DCC: variants seen among roughly 807,000 people sequenced by gnomAD.
DCC encodes netrin receptor DCC.
DCC carries 58 observed loss-of-function variants against 172.5 expected under a neutral mutation model. That is an observed-to-expected ratio of 0.34 (90% CI 0.27 to 0.42). The LOEUF is 0.42. Among genes scored for constraint, DCC ranks in the 10% least tolerant of loss-of-function variants. DCC has a pLI of 1.00. For missense variants in DCC, 1,740 were observed against 1,791.0 expected, an observed-to-expected ratio of 0.97 and a Z score of 0.51; for synonymous variants, 709 against 644.5, an observed-to-expected ratio of 1.10 and a Z score of -1.52.
At chr18:52,637,001 C>G (rs1450505508) in intron 1 of DCC, among the ~76,000 whole-genome samples, 1 of 152,200 alleles carries the variant, frequency 6.6e-6, no homozygotes, top group Non-Finnish European at 1.5e-5. Flanking sequence ...GGACTCTGTG[C>G]AGACAACCCC....
At chr18:52,935,126 T>C (rs1180698707) in intron 5 of DCC, among the ~76,000 whole-genome samples, 1 of 152,146 alleles carries the variant, frequency 6.6e-6, no homozygotes, top group Admixed American at 6.6e-5. Flanking sequence ...ATTATCAACA[T>C]TGCTTACATA....
intron 19 of DCC, among the ~76,000 whole-genome samples, chr18:53,404,064 C>T (rs1909491156): frequency 6.6e-6 from 1 of 152,068 alleles, no homozygotes; most frequent in Admixed American, 6.6e-5. Context: ...TGGCTCATTC[C>T]AATTTTCTTT....
chr18:52,546,634 TTA>T, intron 1 of DCC, among the ~76,000 whole-genome samples: 1 of 151,014 alleles, frequency 6.6e-6, no homozygotes, highest in East Asian at 2.0e-4. Context: ...CCCAGAGAAA[TTA>T]TATAGAATGT....
At chr18:53,044,590 G>A (rs941080480) in intron 5 of DCC, among the ~76,000 whole-genome samples, 8 of 151,486 alleles carry the variant, frequency 5.3e-5, no homozygotes, top group Non-Finnish European at 2.9e-5. Flanking sequence ...ATTACTTTAG[G>A]ATATAAAGTA....
chr18:52,539,471 C>T (rs954087364), intron 1 of DCC, among the ~76,000 whole-genome samples: 2 of 152,306 alleles, frequency 1.3e-5, no homozygotes, highest in East Asian at 3.9e-4. Context: ...CTGAGCTCCG[C>T]CTCCTCTCAG....
intron 1 of DCC, among the ~76,000 whole-genome samples, chr18:52,547,633 T>G (rs2144716546): frequency 6.6e-6 from 1 of 152,210 alleles, no homozygotes; most frequent in African/African-American, 2.4e-5. Context: ...ACTGAAAGCC[T>G]TATAAGGCTT....
chr18:53,327,227 G>T (rs1382493217), intron 14 of DCC, among the ~76,000 whole-genome samples: 1 of 152,072 alleles, frequency 6.6e-6, no homozygotes, highest in Non-Finnish European at 1.5e-5. Context: ...TGTTTGTTCA[G>T]CGTTCCCTGG....
chr18:52,972,939 C>A (rs780769112), intron 5 of DCC, among the ~76,000 whole-genome samples: 2 of 152,222 alleles, frequency 1.3e-5, no homozygotes, highest in Non-Finnish European at 2.9e-5. Context: ...GTGCAGTCTG[C>A]AGCCACTGCA....
intron 7 of DCC, among the ~76,000 whole-genome samples, chr18:53,092,962 A>G (rs960237559): frequency 2.4e-5 from 3 of 127,366 alleles, no homozygotes; most frequent in Admixed American, 7.6e-5. Context: ...TGATATGAAC[A>G]ACTGCATTAC....
At chr18:52,772,318 G>A (rs755513870) in intron 2 of DCC, among the ~76,000 whole-genome samples, 1 of 152,220 alleles carries the variant, frequency 6.6e-6, no homozygotes, top group Non-Finnish European at 1.5e-5. Context: ...ATAATAGCGA[G>A]AGGTTTGTAA....
intron 2 of DCC, among the ~76,000 whole-genome samples, chr18:52,852,303 C>T (rs1471786408): frequency 6.6e-6 from 1 of 151,968 alleles, no homozygotes; most frequent in African/African-American, 2.4e-5. Flanking sequence ...TAAGGGTGGC[C>T]TGTGAAAGCA....
chr18:52,716,495 T>C (rs533325880), intron 1 of DCC, among the ~76,000 whole-genome samples: 2 of 152,314 alleles, frequency 1.3e-5, no homozygotes, highest in South Asian at 2.1e-4. Flanking sequence ...TATTCTTACA[T>C]GTGGCTTGTG....
intron 5 of DCC, among the ~76,000 whole-genome samples, chr18:53,022,557 G>GTGTA (rs1443312517): frequency 1.3e-5 from 2 of 151,818 alleles, no homozygotes; most frequent in African/African-American, 4.8e-5. Context: ...GTGTGTGTGT[G>GTGTA]TGTGTGTGTG....
intron 7 of DCC, among the ~76,000 whole-genome samples, chr18:53,113,620 C>G (rs2144262990): frequency 6.6e-6 from 1 of 151,438 alleles, no homozygotes; most frequent in Admixed American, 6.6e-5. Context: ...TGACCTTATA[C>G]CAGATCAACA....
chr18:52,978,254 A>G lies in DCC; in HGVS notation c.985+52884A>G, dbSNP rs1201743981. Among the ~76,000 whole-genome samples the G allele has an allele frequency of 2.0e-5, 3 of 152,170 alleles. No individual in the cohort carries two copies. In the East Asian group the frequency reaches 5.8e-4, roughly 29 times the overall value. ...GTGGAAAATTGCTGGAAGAGGGGCAAAACCAAAGACAAATAGAGTTCAGGA... is the reference window on the plus strand; with the variant it reads ...GTGGAAAATTGCTGGAAGAGGGGCAGAACCAAAGACAAATAGAGTTCAGGA... On this transcript the variant is annotated intron_variant, in intron 5 of 28. Coordinates refer to ENST00000442544, the MANE Select transcript of DCC (RefSeq NM_005215.4).
At chr18:52,994,956 TA>T (rs2041454927) in intron 5 of DCC, among the ~76,000 whole-genome samples, 1 of 152,140 alleles carries the variant, frequency 6.6e-6, no homozygotes, top group Non-Finnish European at 1.5e-5. Flanking sequence ...TAACAAATAC[TA>T]ACTTCTCTAA....
chr18:53,485,861 G>A (rs1027986906), intron 25 of DCC, among the ~76,000 whole-genome samples: 2 of 151,836 alleles, frequency 1.3e-5, no homozygotes, highest in Non-Finnish European at 2.9e-5. Flanking sequence ...ATTTTCATTT[G>A]GTAAATGTGC....
At chr18:53,457,304 A>C (rs144976665) in intron 23 of DCC, among the ~76,000 whole-genome samples, 2 of 152,352 alleles carry the variant, frequency 1.3e-5, no homozygotes, top group Non-Finnish European at 2.9e-5. Flanking sequence ...GAAGTCATGG[A>C]AACTAGCAAA....
chr18:52,928,928 G>T (rs1183741853), intron 5 of DCC, among the ~76,000 whole-genome samples: 1 of 152,084 alleles, frequency 6.6e-6, no homozygotes. Flanking sequence ...TGGTGGCAAT[G>T]GAGAGCACTT....
Sources: allele counts gnomAD v4.1 joint callset (sites outside exome capture counted in the v4.1 genomes callset), GRCh38; gene constraint gnomAD v4.1.1; transcripts MANE v1.5; gene names NCBI Gene and HGNC (gene_info 2026-07-23, HGNC 2026-07-21).